The following AFF1 variants were observed in gnomAD, a reference collection of about 807,000 sequenced individuals.
AFF1 encodes the protein ALF transcription elongation factor 1, also known as AF4/FMR2 family member 1.
Under a neutral mutation model 121.7 loss-of-function variants are expected in AFF1, and 48 were observed. That is an observed-to-expected ratio of 0.39 (90% CI 0.31 to 0.50). The LOEUF (loss-of-function observed/expected upper bound fraction) is 0.50, where lower values mean the gene tolerates loss of function less well. Among genes scored for constraint, AFF1 ranks in the 20% least tolerant of loss-of-function variants. The probability of loss-of-function intolerance (pLI) is 0.76; values close to 1 mark genes in which losing one functional copy is unlikely to be tolerated. For missense variants in AFF1, 1,523 were observed against 1,511.7 expected (o/e 1.01, Z -0.12); for synonymous variants, 613 against 563.0 (o/e 1.09, Z -1.26).
intron 2 of AFF1, among the ~76,000 whole-genome samples, chr4:87,016,009 C>T (rs1241157524): frequency 6.6e-6 from 1 of 152,170 alleles, no homozygotes; most frequent in African/African-American, 2.4e-5. Context: ...GGTGAAACCT[C>T]GTCTCTACTA....
intron 4 of AFF1, among the ~76,000 whole-genome samples, chr4:87,075,978 T>G (rs1007705859): frequency 3.9e-5 from 6 of 152,210 alleles, no homozygotes; most frequent in African/African-American, 1.4e-4. Context: ...TAAGGCCTTG[T>G]GAGGAATGCA....
At chr4:86,944,163 A>G (rs1407673571) in intron 1 of AFF1, among the ~76,000 whole-genome samples, 4 of 140,346 alleles carry the variant, frequency 2.9e-5, no homozygotes, top group South Asian at 2.2e-4. Flanking sequence ...AAAAAAAAAA[A>G]GTCTTCCCTA....
At chr4:87,084,510 C>CT (rs956097158) in intron 5 of AFF1, among the ~76,000 whole-genome samples, 7 of 151,202 alleles carry the variant, frequency 4.6e-5, no homozygotes, top group African/African-American at 1.7e-4. Context: ...GATCACGCCA[C>CT]TGCACTCCAG....
intron 2 of AFF1, among the ~76,000 whole-genome samples, chr4:87,032,593 G>GA (rs1164274010): frequency 2.6e-5 from 4 of 152,284 alleles, no homozygotes; most frequent in South Asian, 2.1e-4. Context: ...TAGGAGCCTA[G>GA]AAAAAACTTC....
intron 4 of AFF1, among the ~76,000 whole-genome samples, chr4:87,082,377 AG>A (rs909471643): frequency 7.9e-5 from 12 of 152,178 alleles, no homozygotes; most frequent in African/African-American, 2.9e-4. Context: ...AAAAACAAAA[AG>A]GCCTGGTTGT....
At chr4:87,065,503 G>A (rs987600209) in intron 4 of AFF1, among the ~76,000 whole-genome samples, 8 of 96,612 alleles carry the variant, frequency 8.3e-5, no homozygotes, top group Admixed American at 1.9e-4. Context: ...TTAGGATGAG[G>A]TGAGGTTAAA....
intron 2 of AFF1, among the ~76,000 whole-genome samples, chr4:86,976,538 A>G (rs2149485538): frequency 6.6e-6 from 1 of 152,184 alleles, no homozygotes; most frequent in East Asian, 1.9e-4. Context: ...CGAATACCAC[A>G]TGTTCTCACA....
intron 12 of AFF1, among the ~76,000 whole-genome samples, chr4:87,117,545 A>G (rs1211215447): frequency 6.6e-6 from 1 of 152,200 alleles, no homozygotes; most frequent in Non-Finnish European, 1.5e-5. Flanking sequence ...AGGGCTGGAA[A>G]CCACTGAAGC....
At chr4:87,051,011 TA>T (rs1731210352) in intron 4 of AFF1, among the ~76,000 whole-genome samples, 1 of 152,180 alleles carries the variant, frequency 6.6e-6, no homozygotes, top group African/African-American at 2.4e-5. Context: ...AGGTTTCAGA[TA>T]AAGGATTTAT....
intron 2 of AFF1, among the ~76,000 whole-genome samples, chr4:87,002,185 T>G (rs570108748): frequency 3.3e-5 from 5 of 151,470 alleles, no homozygotes; most frequent in Non-Finnish European, 5.9e-5. Flanking sequence ...CTCAAATTCC[T>G]GGGCCCAGGT....
chr4:87,038,996 C>T (rs1025094798), intron 2 of AFF1, among the ~76,000 whole-genome samples: 9 of 152,082 alleles, frequency 5.9e-5, no homozygotes, highest in African/African-American at 2.2e-4. Context: ...CCGTGAGTTG[C>T]CATGGAAGCA....
At chr4:86,937,636 C>T (rs1236580712) in intron 1 of AFF1, among the ~76,000 whole-genome samples, 1 of 152,144 alleles carries the variant, frequency 6.6e-6, no homozygotes, top group African/African-American at 2.4e-5. Context: ...GGCTGGAGTG[C>T]GGTGGCACGA....
intron 4 of AFF1, among the ~76,000 whole-genome samples, chr4:87,052,991 A>C (rs889595223): frequency 1.3e-5 from 2 of 152,148 alleles, no homozygotes; most frequent in African/African-American, 4.8e-5. Flanking sequence ...TCATGTATTA[A>C]GATCATGTGT....
intron 12 of AFF1, among the ~76,000 whole-genome samples, chr4:87,123,569 C>T (rs1306644207): frequency 6.6e-6 from 1 of 152,216 alleles, no homozygotes; most frequent in African/African-American, 2.4e-5. Context: ...CGTTTTGAAA[C>T]AAGACACTGC....
In AFF1 at chr4:86,985,181, CTATATATATA is replaced by C. The variant is rs55891819; in HGVS notation, c.38+36635_38+36644del. ...AATATAATATATATAATATGTATTACTATATATATATATATATATATATATATATATATAA... is the reference window on the plus strand; with the variant it reads ...AATATAATATATATAATATGTATTACTATATATATATATATATATATATAA... On this transcript the variant is annotated intron_variant, in intron 2 of 20. Coordinates refer to ENST00000395146, the MANE Select transcript of AFF1 (RefSeq NM_001166693.3). Among the ~76,000 whole-genome samples the C allele has an allele frequency of 3.1e-3, 301 of 96,496 alleles. 6 individuals are homozygous for C. The highest frequency in any genetic ancestry group is 0.011 in the African/African-American group (228 of 19,854). 63.3% of individuals were successfully genotyped at this position (96,496 alleles called of 152,430 possible).
chr4:87,114,813 C>T lies in AFF1; in HGVS notation c.1980C>T (p.Ala660=), dbSNP rs116543050. Residue 660 remains alanine (A), a synonymous_variant, in exon 12 of 21, where the codon GCC becomes GCT. Transcript: ENST00000395146. ...TGAAGACGAAAGGACGGCCCCGGGCCGCAGCAAGCAACGAACCCAAGCCAG... is the reference window on the plus strand; with the variant it reads ...TGAAGACGAAAGGACGGCCCCGGGCTGCAGCAAGCAACGAACCCAAGCCAG... ...PKVKTKGRPR[A]AASNEPKPAV... is the part of the protein sequence containing the mutation. The T allele has an allele frequency of 8.5e-5, 137 of 1,613,550 alleles. No individual in the cohort carries two copies. The African/African-American group carries it at 1.5e-3, about 18-fold the overall frequency.
rs781030532 is a variant in AFF1, at chr4:87,114,594, C to A, written c.1761C>A (p.Pro587=). The part of the protein sequence containing the change: ...APRAPPEAPH[P]GKRSCQKSPA... The stretch of plus-strand genomic sequence containing the variant: ...GGGCCCCACCCGAAGCCCCCCACCC[C>A]GGAAAGAGGAGCTGTCAGAAGTCTC... The change falls in exon 12 of 21, where the codon CCC becomes CCA. Residue 587 remains proline (P), a synonymous_variant. Transcript: ENST00000395146. 3.7e-6 allele frequency: 6 copies of A among 1,609,948 alleles called. No homozygotes were observed. Among genetic ancestry groups the A allele is most frequent in the South Asian group, 2.2e-5 (2 of 90,794 alleles).
At chr4:87,071,734 G>A (rs1483943487) in intron 4 of AFF1, among the ~76,000 whole-genome samples, 3 of 152,146 alleles carry the variant, frequency 2.0e-5, no homozygotes, top group Non-Finnish European at 4.4e-5. Context: ...AAAGGGAGTT[G>A]CTTTTGTTGT....
Position 87,126,915 on chromosome 4 carries a change from A to G in AFF1, c.2812-111A>G, listed in dbSNP as rs1438142168. ...GCCAGGGTAGATTGTGCATTGTTTGATTTACTCTTTTTTGAAACTACTATT... is the reference window on the plus strand; with the variant it reads ...GCCAGGGTAGATTGTGCATTGTTTGGTTTACTCTTTTTTGAAACTACTATT... On this transcript the variant is annotated intron_variant, in intron 14 of 20. Transcript: ENST00000395146. 4.4e-6 allele frequency: 4 copies of G among 910,194 alleles called. No individual in the cohort carries two copies. In the South Asian group the frequency reaches 4.5e-5, roughly 10 times the overall value. The allele number at this position is 910,194 out of a possible 1,614,324, so 56.4% of individuals were successfully genotyped here. A position where few individuals can be genotyped will look rare whatever the true frequency, so the allele number is the denominator to read the frequency against.
Sources: gnomAD v4.1 joint callset for allele counts (sites outside exome capture counted in the v4.1 genomes callset) on GRCh38, gnomAD v4.1.1 for gene constraint, MANE v1.5 for transcripts, NCBI Gene and HGNC (gene_info 2026-07-23, HGNC 2026-07-21) for gene names.